FAM110B: variants seen among roughly 807,000 people sequenced by gnomAD.
FAM110B encodes the protein family with sequence similarity 110 member B, also known as protein FAM110B.
In FAM110B, 6 loss-of-function variants were observed where a neutral mutation model predicts 20.4. That is an observed-to-expected ratio of 0.29 (90% CI 0.16 to 0.58). The LOEUF (loss-of-function observed/expected upper bound fraction) is 0.58. Among genes scored for constraint, FAM110B ranks in the 20% least tolerant of loss-of-function variants. FAM110B has a pLI of 0.90. For synonymous variants in FAM110B, 226 were observed against 214.1 expected (o/e 1.06, Z -0.49); for missense variants, 434 against 498.2 (o/e 0.87, Z 1.23).
At chr8:58,024,967 C>T (rs1160076765) in intron 1 of FAM110B, among the ~76,000 whole-genome samples, 1 of 152,160 alleles carries the variant, frequency 6.6e-6, no homozygotes, top group East Asian at 1.9e-4. Flanking sequence ...ATGGTATTTG[C>T]CTGGGCTTAC....
intron 1 of FAM110B, among the ~76,000 whole-genome samples, chr8:58,030,263 C>G (rs1804937334): frequency 6.6e-6 from 1 of 152,030 alleles, no homozygotes; most frequent in South Asian, 2.1e-4. Context: ...AACCATGGGA[C>G]TTGGAGTTTA....
chr8:58,140,192 C>T (rs1335177975), intron 3 of FAM110B, among the ~76,000 whole-genome samples: 1 of 152,130 alleles, frequency 6.6e-6, no homozygotes, highest in Admixed American at 6.5e-5. Context: ...ACGACTCATC[C>T]TCAACATGTA....
intron 3 of FAM110B, among the ~76,000 whole-genome samples, chr8:58,112,046 T>A (rs1807070499): frequency 6.6e-6 from 1 of 152,200 alleles, no homozygotes; most frequent in African/African-American, 2.4e-5. Context: ...TACTTTTGGC[T>A]GGGCATTGTG....
At chr8:58,076,474 G>T (rs61157353) in intron 3 of FAM110B, among the ~76,000 whole-genome samples, 1 of 152,128 alleles carries the variant, frequency 6.6e-6, no homozygotes, top group Non-Finnish European at 1.5e-5. Context: ...GAATGGCAGG[G>T]TGCTTTTCCC....
intron 1 of FAM110B, among the ~76,000 whole-genome samples, chr8:58,014,839 A>C (rs1200154378): frequency 6.6e-6 from 1 of 152,204 alleles, no homozygotes; most frequent in Non-Finnish European, 1.5e-5. Context: ...TTAAAAGAAA[A>C]TGTTTTTGTA....
At chr8:58,081,692 C>T (rs1171323755) in intron 3 of FAM110B, among the ~76,000 whole-genome samples, 1 of 152,182 alleles carries the variant, frequency 6.6e-6, no homozygotes, top group African/African-American at 2.4e-5. Flanking sequence ...AGCTTGTGGG[C>T]TGCGTCTTGC....
intron 2 of FAM110B, among the ~76,000 whole-genome samples, chr8:58,072,990 A>C (rs1186330837): frequency 1.3e-5 from 2 of 152,236 alleles, no homozygotes; most frequent in Non-Finnish European, 2.9e-5. Flanking sequence ...CATCTGTCAT[A>C]ATCCAAAAAC....
chr8:58,132,121 C>CCAAA (rs10645826), intron 3 of FAM110B, among the ~76,000 whole-genome samples: 58,962 of 151,716 alleles, frequency 0.39, 15,478 homozygotes, highest in African/African-American at 0.76. Context: ...GAGAATCTCA[C>CCAAA]CAAAGAGCTT....
At chr8:57,995,080 G>C (rs906449764) in intron 1 of FAM110B, among the ~76,000 whole-genome samples, 12 of 152,108 alleles carry the variant, frequency 7.9e-5, no homozygotes, top group Non-Finnish European at 1.5e-5. Flanking sequence ...TCTGCGCTCG[G>C]CTTGGCTGCA....
chr8:58,064,755 G>A (rs1805728321), intron 2 of FAM110B, among the ~76,000 whole-genome samples: 1 of 152,194 alleles, frequency 6.6e-6, no homozygotes, highest in African/African-American at 2.4e-5. Context: ...AAATGTTCCA[G>A]ATGAGAAAAT....
rs1292844131 is a variant in FAM110B at position 57,999,390 on chromosome 8, T to G, written c.-512+4584T>G. Among the ~76,000 whole-genome samples, 3 of 152,202 alleles carry G rather than the reference T, an allele frequency of 2.0e-5. No individual in the cohort carries two copies. The East Asian group carries it at 5.8e-4, about 29-fold the overall frequency. On this transcript the variant is annotated intron_variant, in intron 1 of 3. Coordinates refer to ENST00000519262, the MANE Select transcript of FAM110B (RefSeq NM_001377989.1). ...AATTCACAGACATATGGGAAATTTT[T>G]GAGTGGTTGTGTTGTAATGCAAAAC...
At chr8:58,066,920 G>A (rs900395064) in intron 2 of FAM110B, among the ~76,000 whole-genome samples, 5 of 152,132 alleles carry the variant, frequency 3.3e-5, no homozygotes, top group South Asian at 4.1e-4. Context: ...ATAGCCCTAC[G>A]TGCAGCCAAG....
At chr8:58,094,285 G>C (rs1441036792) in intron 3 of FAM110B, among the ~76,000 whole-genome samples, 2 of 152,124 alleles carry the variant, frequency 1.3e-5, no homozygotes, top group Non-Finnish European at 2.9e-5. Context: ...CCAACACTAT[G>C]TCGAATAAGA....
chr8:58,143,372 A>G (rs1803783485), intron 3 of FAM110B, among the ~76,000 whole-genome samples: 1 of 152,252 alleles, frequency 6.6e-6, no homozygotes, highest in African/African-American at 2.4e-5. Flanking sequence ...GGTCATGTCA[A>G]AACATCATCA....
At chr8:58,111,571 TAGC>T (rs1414648680) in intron 3 of FAM110B, among the ~76,000 whole-genome samples, 1 of 152,078 alleles carries the variant, frequency 6.6e-6, no homozygotes, top group African/African-American at 2.4e-5. Context: ...GTAGCTAAGA[TAGC>T]AGCCGTGAAT....
chr8:58,056,961 T>C (rs2150583352), intron 2 of FAM110B, among the ~76,000 whole-genome samples: 1 of 152,320 alleles, frequency 6.6e-6, no homozygotes, highest in South Asian at 2.1e-4. Flanking sequence ...GCCCTATGTT[T>C]TTAGTGGAAA....
At chr8:58,108,895 C>T (rs982702860) in intron 3 of FAM110B, among the ~76,000 whole-genome samples, 9 of 152,180 alleles carry the variant, frequency 5.9e-5, no homozygotes, top group African/African-American at 1.2e-4. Context: ...CATGGTTCCT[C>T]CTGTTTGTTG....
chr8:58,017,802 C>T (rs955205381), intron 1 of FAM110B, among the ~76,000 whole-genome samples: 1 of 152,098 alleles, frequency 6.6e-6, no homozygotes, highest in Non-Finnish European at 1.5e-5. Flanking sequence ...CTGAAAGGTG[C>T]TAATGAGGTA....
At chr8:58,008,920 A>G (rs1464807429) in intron 1 of FAM110B, among the ~76,000 whole-genome samples, 1 of 152,036 alleles carries the variant, frequency 6.6e-6, no homozygotes, top group African/African-American at 2.4e-5. Flanking sequence ...CTGACCCTGA[A>G]ATACCTCTCC....
Sources: allele counts gnomAD v4.1 joint callset (sites outside exome capture counted in the v4.1 genomes callset), GRCh38; gene constraint gnomAD v4.1.1; transcripts MANE v1.5; gene names NCBI Gene and HGNC (gene_info 2026-07-23, HGNC 2026-07-21).